Variants in CRLF2 observed in about 807,000 individuals in gnomAD.
CRLF2 encodes cytokine receptor-like factor 2.
Under a neutral mutation model 38.7 loss-of-function variants are expected in CRLF2, and 41 were observed. The ratio of observed to expected loss-of-function variants is 1.06; its 90% CI spans 0.83 to 1.37. The LOEUF (loss-of-function observed/expected upper bound fraction) is 1.37, where lower values mean the gene tolerates loss of function less well. CRLF2 is among the 40% of genes most tolerant of loss of function. CRLF2 has a pLI of 0.00. For missense variants in CRLF2, 377 were observed against 322.2 expected, an observed-to-expected ratio of 1.17 and a Z score of -1.30; for synonymous variants, 140 against 128.8, an observed-to-expected ratio of 1.09 and a Z score of -0.59.
chrX:1,192,765 T>TTTCTTTCCTTCC (rs1378137188), intron 7 of CRLF2, among the ~76,000 whole-genome samples: 60 of 115,994 alleles, frequency 5.2e-4, no homozygotes, highest in East Asian at 1.8e-3. Flanking sequence ...TCTTTCTTTC[T>TTTCTTTCCTTCC]TTCCTTCCTT....
At chrX:1,191,495 C>T (rs1206680556) in intron 7 of CRLF2, among the ~76,000 whole-genome samples, 1 of 151,410 alleles carries the variant, frequency 6.6e-6, no homozygotes, top group African/African-American at 2.4e-5. Context: ...TTGGGGCATC[C>T]AGGAGCTCTG....
intron 3 of CRLF2, among the ~76,000 whole-genome samples, chrX:1,206,106 T>A (rs1390043984): frequency 2.6e-5 from 4 of 152,096 alleles, no homozygotes; most frequent in African/African-American, 9.7e-5. Context: ...AGCTTGCTTT[T>A]CAATTATTAC....
Position 1,193,228 on chromosome X carries a change from C to T in CRLF2, c.842G>A (p.Gly281Glu), listed in dbSNP as rs2086424320. 2.5e-6 allele frequency: 1 copy of T among 398,412 alleles called. No homozygotes were observed. The highest frequency in any genetic ancestry group is 2.1e-5 in the African/African-American group (1 of 48,568). The allele number at this position is 398,412 out of a possible 1,614,324, so 24.7% of individuals were successfully genotyped here. Residue 281 changes from glycine (G) to glutamate (E), a missense_variant, in exon 7 of 8, where the codon GGG becomes GAG. Physicochemically the swap from Gly to Glu is moderately conservative, Grantham distance 98 (BLOSUM62 -2). Coordinates refer to ENST00000400841, the MANE Select transcript of CRLF2 (RefSeq NM_022148.4). ...GGAGAGGGCGGATACCTGGAAGTTC[C>T]CTTGGTGTATCTCAAAGAGCCCGGG... ...IFPGLFEIHQ[G>E]NFQEWITDTQ...
At chrX:1,202,579 C>T (rs1273533649) in intron 3 of CRLF2, 44 bp from the exon 4 acceptor site, 7 of 1,612,572 alleles carry the variant, frequency 4.3e-6, no homozygotes, top group Non-Finnish European at 5.9e-6. Context: ...CCTCTCTGAG[C>T]TGATTGTGAC....
At chrX:1,200,372 G>A (rs141212900) in intron 4 of CRLF2, among the ~76,000 whole-genome samples, 73,546 of 144,786 alleles carry the variant, frequency 0.51, 19,647 homozygotes, top group East Asian at 0.69. Context: ...ATAAATATGT[G>A]TATATAAGGT....
At chrX:1,199,381 T>G (rs1213682185) in intron 4 of CRLF2, among the ~76,000 whole-genome samples, 4 of 152,082 alleles carry the variant, frequency 2.6e-5, no homozygotes, top group Admixed American at 6.6e-5. Context: ...CTCGGCTCAC[T>G]GCAACCTCTG....
chrX:1,211,985 T>C (rs375190486), intron 1 of CRLF2, among the ~76,000 whole-genome samples: 23 of 148,516 alleles, frequency 1.5e-4, no homozygotes, highest in African/African-American at 3.7e-4. Flanking sequence ...GGAGGATGGA[T>C]AGATAACAGC....
At chrX:1,208,102 A>T (rs1170046192) in intron 2 of CRLF2, among the ~76,000 whole-genome samples, 1 of 152,208 alleles carries the variant, frequency 6.6e-6, no homozygotes, top group Non-Finnish European at 1.5e-5. Flanking sequence ...ATAAAAATAA[A>T]GTCACATCAG....
At chrX:1,192,934 C>T (rs2086419331) in intron 7 of CRLF2, among the ~76,000 whole-genome samples, 1 of 151,302 alleles carries the variant, frequency 6.6e-6, no homozygotes, top group African/African-American at 2.4e-5. Context: ...CTGCCTCAGC[C>T]TCCAGAGTCG....
At chrX:1,207,716 C>T (rs1389293095) in intron 2 of CRLF2, among the ~76,000 whole-genome samples, 3 of 151,682 alleles carry the variant, frequency 2.0e-5, no homozygotes, top group Non-Finnish European at 2.9e-5. Flanking sequence ...GGAGTGCAAT[C>T]TCGGCTCACC....
intron 2 of CRLF2, among the ~76,000 whole-genome samples, chrX:1,207,780 G>A (rs1333492464): frequency 1.3e-5 from 2 of 151,064 alleles, no homozygotes; most frequent in Non-Finnish European, 2.9e-5. Flanking sequence ...CTCCTGAGTA[G>A]CTGGGATTAC....
chrX:1,198,169 C>T (rs1232398197), intron 5 of CRLF2, among the ~76,000 whole-genome samples: 3 of 137,620 alleles, frequency 2.2e-5, no homozygotes, highest in African/African-American at 8.5e-5. Flanking sequence ...GGCAGGACAC[C>T]CTCCCTCCCA....
At chrX:1,196,188 T>TG (rs1491155730) in intron 6 of CRLF2, among the ~76,000 whole-genome samples, 1 of 11,442 alleles carries the variant, frequency 8.7e-5, no homozygotes, top group African/African-American at 2.0e-3. Context: ...GCAGGGCTAA[T>TG]TTTTTTTTTT....
intron 7 of CRLF2, among the ~76,000 whole-genome samples, chrX:1,191,378 T>TTCTTTCTC (rs1212290214): frequency 6.8e-6 from 1 of 146,132 alleles, no homozygotes; most frequent in African/African-American, 2.6e-5. Flanking sequence ...TTCTCTTTCT[T>TTCTTTCTC]TCTTTCTCTC....
chrX:1,203,852 G>A (rs184892267), intron 3 of CRLF2, among the ~76,000 whole-genome samples: 88 of 152,136 alleles, frequency 5.8e-4, no homozygotes, highest in Non-Finnish European at 1.1e-3. Flanking sequence ...AAGTAATTTC[G>A]CGAATAAAGA....
intron 4 of CRLF2, among the ~76,000 whole-genome samples, chrX:1,200,371 T>C (rs148213491): frequency 0.51 from 73,520 of 145,348 alleles, 19,633 homozygotes; most frequent in East Asian, 0.69. Flanking sequence ...TATAAATATG[T>C]GTATATAAGG....
At chrX:1,200,325 A>G (rs2086579921) in intron 4 of CRLF2, among the ~76,000 whole-genome samples, 2 of 110,316 alleles carry the variant, frequency 1.8e-5, no homozygotes, top group East Asian at 7.5e-4. Flanking sequence ...ATGTGTGTAT[A>G]TATATGTGTG....
In CRLF2 at chrX:1,190,816, G is replaced by A. The variant is rs1460756177; in HGVS notation, c.*81C>T. On this transcript the variant is annotated 3_prime_UTR_variant, in exon 8 of 8. Coordinates refer to ENST00000400841, the MANE Select transcript of CRLF2 (RefSeq NM_022148.4). Reference sequence around the variant, plus strand: ...GCGTGGAGACTTCCCATCCATGGTGGTGTGGAGTCCCCGGGACAGTCCCCT... The same window carrying A: ...GCGTGGAGACTTCCCATCCATGGTGATGTGGAGTCCCCGGGACAGTCCCCT... 9.1e-4 allele frequency: 361 copies of A among 398,698 alleles called. 4 individuals are homozygous for A. Among genetic ancestry groups the A allele is most frequent in the South Asian group, 8.1e-3 (64 of 7,862 alleles). The allele number at this position is 398,698 out of a possible 1,614,324, so 24.7% of individuals were successfully genotyped here. A position where few individuals can be genotyped will look rare whatever the true frequency, so the allele number is the denominator to read the frequency against.
intron 4 of CRLF2, among the ~76,000 whole-genome samples, chrX:1,202,074 G>A (rs2086618025): frequency 6.6e-6 from 1 of 152,070 alleles, no homozygotes; most frequent in South Asian, 2.1e-4. Flanking sequence ...GATTGAAAGA[G>A]AGGGAAATAG....
Sources: allele counts gnomAD v4.1 joint callset (sites outside exome capture counted in the v4.1 genomes callset), GRCh38; gene constraint gnomAD v4.1.1; transcripts MANE v1.5; gene names NCBI Gene and HGNC (gene_info 2026-07-23, HGNC 2026-07-21).